LOC128462377: variants seen among roughly 807,000 people sequenced by gnomAD.
chr16:89,385,952 C>T, the LOC128462377 span, among the ~76,000 whole-genome samples: 6 of 152,240 alleles, frequency 3.9e-5, no homozygotes, highest in South Asian at 2.1e-4. Context: ...TAGCACACAG[C>T]GGACAGCAGT....
At chr16:89,378,811 T>C in the LOC128462377 span, among the ~76,000 whole-genome samples, 1 of 152,134 alleles carries the variant, frequency 6.6e-6, no homozygotes, top group East Asian at 1.9e-4. Flanking sequence ...GTCTCAAACT[T>C]CAGGCGCTGT....
the LOC128462377 span, among the ~76,000 whole-genome samples, chr16:89,330,714 G>A: frequency 2.4e-5 from 3 of 127,564 alleles, no homozygotes; most frequent in East Asian, 2.6e-4. Context: ...TGTATCGGAA[G>A]TCCCACGGCT....
the LOC128462377 span, among the ~76,000 whole-genome samples, chr16:89,379,518 T>C: frequency 6.6e-6 from 1 of 152,166 alleles, no homozygotes; most frequent in Non-Finnish European, 1.5e-5. Flanking sequence ...GACAAAGTCT[T>C]GCTCTGTCGC....
the LOC128462377 span, among the ~76,000 whole-genome samples, chr16:89,364,024 C>T: frequency 6.6e-6 from 1 of 152,086 alleles, no homozygotes; most frequent in Admixed American, 6.6e-5. Flanking sequence ...TGTGCCATGC[C>T]ACTGCATTCC....
chr16:89,371,071 G>A, the LOC128462377 span, among the ~76,000 whole-genome samples: 4 of 152,184 alleles, frequency 2.6e-5, no homozygotes, highest in Non-Finnish European at 4.4e-5. Context: ...TTGTTCAGGT[G>A]AGAAACGTTC....
the LOC128462377 span, among the ~76,000 whole-genome samples, chr16:89,393,316 T>A: frequency 6.4e-5 from 9 of 139,610 alleles, no homozygotes; most frequent in African/African-American, 2.5e-4. Context: ...TTATTTTTAT[T>A]TTTTTTTTTT....
the LOC128462377 span, among the ~76,000 whole-genome samples, chr16:89,398,588 C>A: frequency 6.6e-6 from 1 of 151,978 alleles, no homozygotes; most frequent in Non-Finnish European, 1.5e-5. Flanking sequence ...AATAAAAAAA[C>A]AAAAATAGCT....
chr16:89,356,132 T>C, the LOC128462377 span, among the ~76,000 whole-genome samples: 1 of 152,248 alleles, frequency 6.6e-6, no homozygotes, highest in Admixed American at 6.5e-5. Flanking sequence ...GAACTAGTGC[T>C]TTTCACTAAC....
the LOC128462377 span, among the ~76,000 whole-genome samples, chr16:89,376,245 G>GA: frequency 6.6e-6 from 1 of 152,160 alleles, no homozygotes; most frequent in Non-Finnish European, 1.5e-5. Context: ...TACAACAACT[G>GA]AAAGTAAAAG....
chr16:89,356,519 C>A, the LOC128462377 span, among the ~76,000 whole-genome samples: 1 of 151,866 alleles, frequency 6.6e-6, no homozygotes, highest in African/African-American at 2.4e-5. Flanking sequence ...CGCCTATAAT[C>A]CCAGCTCTTT....
chr16:89,403,313 C>T, the LOC128462377 span, among the ~76,000 whole-genome samples: 2 of 152,310 alleles, frequency 1.3e-5, no homozygotes, highest in African/African-American at 4.8e-5. Flanking sequence ...CTGCTCCCCC[C>T]TCCTGACCGG....
chr16:89,347,762 C>T, the LOC128462377 span, among the ~76,000 whole-genome samples: 2 of 152,052 alleles, frequency 1.3e-5, no homozygotes, highest in African/African-American at 2.4e-5. Flanking sequence ...AAAGAGATGA[C>T]CACAAACATC....
the LOC128462377 span, among the ~76,000 whole-genome samples, chr16:89,356,063 G>C: frequency 6.6e-6 from 1 of 152,180 alleles, no homozygotes; most frequent in Non-Finnish European, 1.5e-5. Flanking sequence ...CCTGGGCACT[G>C]GAGTGAGACT....
the LOC128462377 span, among the ~76,000 whole-genome samples, chr16:89,332,839 A>G: frequency 6.6e-6 from 1 of 152,146 alleles, no homozygotes; most frequent in Non-Finnish European, 1.5e-5. Flanking sequence ...AGAAACGTCC[A>G]TTTCTTTCCT....
At chr16:89,382,461 G>T in the LOC128462377 span, among the ~76,000 whole-genome samples, 1 of 152,018 alleles carries the variant, frequency 6.6e-6, no homozygotes, top group Admixed American at 6.6e-5. Flanking sequence ...GAATAGCTGG[G>T]ATCACAGGTG....
At chr16:89,326,707 A>G in the LOC128462377 span, among the ~76,000 whole-genome samples, 6 of 152,052 alleles carry the variant, frequency 3.9e-5, no homozygotes, top group Non-Finnish European at 7.4e-5. Flanking sequence ...GCACCACTGC[A>G]CTCCAACCTT....
Sources: gnomAD v4.1 joint callset for allele counts (sites outside exome capture counted in the v4.1 genomes callset) on GRCh38, gnomAD v4.1.1 for gene constraint, MANE v1.5 for transcripts.